FNDC1: variants seen among roughly 807,000 people sequenced by gnomAD.
FNDC1 encodes fibronectin type III domain containing 1.
FNDC1 carries 96 observed loss-of-function variants against 168.0 expected under a neutral mutation model. The ratio of observed to expected loss-of-function variants is 0.57; its 90% CI spans 0.48 to 0.68. The LOEUF is 0.68. FNDC1 is among the 30% of genes least tolerant of loss of function. FNDC1 has a pLI of 0.00. For synonymous variants in FNDC1, 1,099 were observed against 1,025.9 expected (o/e 1.07, Z -1.36); for missense variants, 2,587 against 2,482.1 (o/e 1.04, Z -0.90).
At chr6:159,193,549 A>G (rs1782182475) in intron 1 of FNDC1, among the ~76,000 whole-genome samples, 1 of 152,072 alleles carries the variant, frequency 6.6e-6, no homozygotes, top group Non-Finnish European at 1.5e-5. Context: ...TGATGAACAG[A>G]CCCTGCAGAT....
At chr6:159,218,124 G>A (rs1331291770) in intron 5 of FNDC1, among the ~76,000 whole-genome samples, 3 of 152,176 alleles carry the variant, frequency 2.0e-5, no homozygotes, top group Non-Finnish European at 4.4e-5. Flanking sequence ...TTCCGGGAAC[G>A]GCACACACTA....
intron 7 of FNDC1, among the ~76,000 whole-genome samples, chr6:159,224,980 C>CCTG: frequency 6.6e-6 from 1 of 152,306 alleles, no homozygotes; most frequent in East Asian, 1.9e-4. Flanking sequence ...GTGCCTCTGT[C>CCTG]CTGCTCTGTT....
chr6:159,198,491 A>G (rs1488317026), intron 2 of FNDC1, among the ~76,000 whole-genome samples: 5 of 152,150 alleles, frequency 3.3e-5, no homozygotes. Flanking sequence ...TAAAAGGGAG[A>G]TGAAGGAAGA....
chr6:159,240,024 G>C (rs1783384318), intron 14 of FNDC1, 67 bp downstream of exon 14: 16 of 1,392,964 alleles, frequency 1.1e-5, no homozygotes, highest in South Asian at 1.6e-5. Flanking sequence ...TCAGAGCAGG[G>C]TGGCAGAGCC....
At chr6:159,248,860 T>C (rs1307428650) in intron 15 of FNDC1, among the ~76,000 whole-genome samples, 179 bp from the exon 16 acceptor site, 1 of 152,228 alleles carries the variant, frequency 6.6e-6, no homozygotes, top group African/African-American at 2.4e-5. Context: ...GAAGAAATAG[T>C]ATTTTAGTAG....
At chr6:159,174,231 T>C (rs1290935644) in intron 1 of FNDC1, among the ~76,000 whole-genome samples, 1 of 152,232 alleles carries the variant, frequency 6.6e-6, no homozygotes, top group Non-Finnish European at 1.5e-5. Context: ...GCTGGGTCGC[T>C]GGGGGACAGT....
chr6:159,193,618 A>C (rs1242890379), intron 1 of FNDC1, among the ~76,000 whole-genome samples: 2 of 152,200 alleles, frequency 1.3e-5, no homozygotes, highest in Admixed American at 6.5e-5. Context: ...TGGGCTCAGC[A>C]TGTCAGCAAC....
chr6:159,241,500 G>T (rs901482737), intron 14 of FNDC1, among the ~76,000 whole-genome samples: 4 of 152,126 alleles, frequency 2.6e-5, no homozygotes, highest in East Asian at 3.9e-4. Flanking sequence ...CCAGTCTCCT[G>T]ATTCCCTAGT....
chr6:159,264,843 G>A (rs1441831229), intron 19 of FNDC1, 132 bp from the exon 20 acceptor site: 5 of 649,966 alleles, frequency 7.7e-6, no homozygotes, highest in East Asian at 5.8e-5. Context: ...CAAGGAAAAC[G>A]TTGGCATCTA....
Position 159,269,257 on chromosome 6 carries a change from C to CATCTATCTATCT in FNDC1, c.5569+1355_5569+1366dup, listed in dbSNP as rs369450487. Among the ~76,000 whole-genome samples, 324 of 42,598 alleles carry CATCTATCTATCT rather than the reference C, an allele frequency of 7.6e-3. 31 individuals are homozygous for CATCTATCTATCT. Among genetic ancestry groups the CATCTATCTATCT allele is most frequent in the Middle Eastern group, 0.017 (1 of 60 alleles). The allele number at this position is 42,598 out of a possible 152,430, so 27.9% of individuals were successfully genotyped here. On this transcript the variant is annotated intron_variant, in intron 22 of 22. Coordinates refer to ENST00000297267, the MANE Select transcript of FNDC1 (RefSeq NM_032532.3). ...TCTATCTATCTATCTATCCATCTATCATCTATCTATCTATCTATCTATCTA... is the reference window on the plus strand; with the variant it reads ...TCTATCTATCTATCTATCCATCTATCATCTATCTATCTATCTATCTATCTATCTATCTATCTA...
Position 159,233,886 on chromosome 6 carries a change from A to G in FNDC1, c.3374A>G (p.His1125Arg). The G allele has an allele frequency of 6.5e-7, 1 of 1,547,516 alleles. No homozygotes were observed. Among genetic ancestry groups the G allele is most frequent in the Non-Finnish European group, 8.7e-7 (1 of 1,145,428 alleles). The stretch of plus-strand genomic sequence containing the variant: ...ACAGGCGCAGGGGCAGGTGGCGACC[A>G]CAGGTCCCAGCGCGGACATGCGGCC... Reference protein sequence around the residue: ...SPTGAGAGGDHRSQRGHAASP... With the variant: ...SPTGAGAGGDRRSQRGHAASP... The change falls in exon 11 of 23, where the codon CAC (histidine) becomes CGC (arginine). Residue 1125 changes from histidine to arginine, a missense_variant. Transcript: ENST00000297267. The surrounding 1 kb of genome is among the most constrained non-coding windows in gnomAD (Gnocchi z 4.6).
intron 1 of FNDC1, among the ~76,000 whole-genome samples, chr6:159,183,188 T>C (rs530983055): frequency 3.9e-5 from 6 of 152,256 alleles, no homozygotes; most frequent in Non-Finnish European, 7.3e-5. Flanking sequence ...AAAAATGGAC[T>C]AAGTTTGATA....
chr6:159,251,741 G>A (rs1344957535), intron 17 of FNDC1, among the ~76,000 whole-genome samples: 1 of 152,194 alleles, frequency 6.6e-6, no homozygotes, highest in Non-Finnish European at 1.5e-5. Context: ...AAGGACTACT[G>A]GATGGAAGTC....
At chr6:159,217,407 T>C (rs1298467664) in intron 5 of FNDC1, among the ~76,000 whole-genome samples, 1 of 149,728 alleles carries the variant, frequency 6.7e-6, no homozygotes, top group Non-Finnish European at 1.5e-5. Context: ...TCTGTGCTCT[T>C]CAGTACCTCC....
chr6:159,249,672 C>A (rs924031899), intron 16 of FNDC1, among the ~76,000 whole-genome samples: 2 of 152,202 alleles, frequency 1.3e-5, no homozygotes, highest in African/African-American at 4.8e-5. Context: ...GATTTGGGAT[C>A]TAGAAATTCA....
chr6:159,233,255 A>G lies in FNDC1; in HGVS notation c.2743A>G (p.Arg915Gly). ...GGAGGACTTAAGGAGAAGCCCGCAG[A>G]GAGGGGCCAGCCTGCATCGGAAGGA... is the stretch of plus-strand genomic sequence containing the variant. ...GWEDLRRSPQ[R>G]GASLHRKEPI... The change falls in exon 11 of 23, where the codon AGA (arginine) becomes GGA (glycine). Residue 915 changes from arginine to glycine, a missense_variant. By Grantham distance (125) the Arg-to-Gly change is moderately radical. Coordinates refer to ENST00000297267, the MANE Select transcript of FNDC1 (RefSeq NM_032532.3). This position sits in a 1 kb window ranked among gnomAD's most constrained non-coding sequence, Gnocchi z 4.6. 1.2e-6 allele frequency: 2 copies of G among 1,613,958 alleles called. No homozygotes were observed. The highest frequency in any genetic ancestry group is 1.7e-6 in the Non-Finnish European group (2 of 1,179,870).
rs749134038 is a variant in FNDC1, at chr6:159,239,638, G to T, written c.4302G>T (p.Leu1434=). 5 of 1,556,314 alleles carry T rather than the reference G, an allele frequency of 3.2e-6. No individual in the cohort carries two copies. Among genetic ancestry groups the T allele is most frequent in the Non-Finnish European group, 2.6e-6 (3 of 1,149,212 alleles). The part of the protein sequence containing the change: ...KPILSLGGKP[L]VGLEVIKKTT... ...TTTTGAGTCTTGGAGGAAAGCCGCT[G>T]GTGGGCTTGGAGGTCATCAAAAAAA... is the stretch of plus-strand genomic sequence containing the variant. Residue 1434 remains leucine, a synonymous_variant, in exon 14 of 23, where the codon CTG becomes CTT. Transcript: ENST00000297267.
chr6:159,269,499 T>TATCCATCCATGC (rs1777686929), intron 22 of FNDC1, among the ~76,000 whole-genome samples: 2 of 87,328 alleles, frequency 2.3e-5, no homozygotes, highest in African/African-American at 8.7e-5. Context: ...TCTATCTATC[T>TATCCATCCATGC]ATCCATCCAT....
intron 4 of FNDC1, among the ~76,000 whole-genome samples, chr6:159,204,332 C>T (rs979166831): frequency 6.6e-6 from 1 of 152,160 alleles, no homozygotes; most frequent in African/African-American, 2.4e-5. Context: ...TTCTCACCTC[C>T]TGGCTCTAAC....
Sources: allele counts gnomAD v4.1 joint callset (sites outside exome capture counted in the v4.1 genomes callset), GRCh38; gene constraint gnomAD v4.1.1; non-coding constraint Gnocchi (gnomAD v3.1); transcripts MANE v1.5; gene names NCBI Gene and HGNC (gene_info 2026-07-23, HGNC 2026-07-21).